Variants in FAM180A observed in about 807,000 individuals in gnomAD.
The protein encoded by FAM180A is protein FAM180A.
FAM180A carries 14 observed loss-of-function variants against 15.3 expected under a neutral mutation model. The observed-to-expected ratio is 0.92, with a 90% CI of 0.61 to 1.43. The LOEUF is 1.43. Among genes scored for constraint, FAM180A ranks in the 40% most tolerant of loss-of-function variants. The pLI is 0.00. For missense variants in FAM180A, 200 were observed against 220.8 expected, an observed-to-expected ratio of 0.91 and a Z score of 0.60; for synonymous variants, 90 against 96.8, an observed-to-expected ratio of 0.93 and a Z score of 0.41.
chr7:135,734,434 C>A, intron 2 of FAM180A, 115 bp from the exon 3 acceptor site: 1 of 953,068 alleles, frequency 1.0e-6, no homozygotes. Flanking sequence ...CTTTGGAACT[C>A]AAGAGAGTTC....
chr7:135,745,588 G>A (rs1313845163), intron 1 of FAM180A, among the ~76,000 whole-genome samples: 1 of 152,024 alleles, frequency 6.6e-6, no homozygotes, highest in African/African-American at 2.4e-5. Flanking sequence ...GGCTGGAATG[G>A]GTGATCCTGG....
At position 135,734,183 on chromosome 7, in the gene FAM180A, C is replaced by T. The variant is rs369565015; in HGVS notation, c.314G>A (p.Arg105His). 8.7e-6 allele frequency: 14 copies of T among 1,614,034 alleles called. No homozygotes were observed. The highest frequency in any genetic ancestry group is 2.7e-5 in the African/African-American group (2 of 74,940). ...GCTGGAGAGGCTGGCGCTGAGCCGG[C>T]GGATGTCTGGGATGCTCTTGGGGAT... ...NVIPKSIPDI[R>H]RLSASLSSHP... The change falls in exon 3 of 4, where the codon CGC becomes CAC. Residue 105 changes from arginine (R) to histidine (H), a missense_variant. Physicochemically the swap from Arg to His is conservative, Grantham distance 29. Coordinates refer to ENST00000338588, the MANE Select transcript of FAM180A (RefSeq NM_205855.4).
intron 1 of FAM180A, among the ~76,000 whole-genome samples, chr7:135,737,440 A>G (rs1373075871): frequency 6.8e-6 from 1 of 146,832 alleles, no homozygotes; most frequent in East Asian, 2.0e-4. Context: ...TACAAAAAAC[A>G]GCCGGGCATG....
rs143094091 is a variant in FAM180A, at chr7:135,734,546, C to T, written c.178-227G>A. Among the ~76,000 whole-genome samples, 532 of 152,316 alleles carry T rather than the reference C, an allele frequency of 3.5e-3. 1 individual carries two copies. The highest frequency in any genetic ancestry group is 0.012 in the African/African-American group (507 of 41,554). On this transcript the variant is annotated intron_variant, in intron 2 of 3. Transcript: ENST00000338588. ...TGTAAATAATTAGTAACACCATCTACTTCACTGGGATATTGTGAGAGGTAA... is the reference window on the plus strand; with the variant it reads ...TGTAAATAATTAGTAACACCATCTATTTCACTGGGATATTGTGAGAGGTAA...
chr7:135,737,081 A>C lies in FAM180A; in HGVS notation c.177+18T>G, dbSNP rs2129496021. 2.5e-6 allele frequency: 4 copies of C among 1,586,698 alleles called. No homozygotes were observed. In the East Asian group the frequency reaches 9.0e-5, roughly 36 times the overall value. ...GTCTTTTGGGTGACTTGGATTGAGC[A>C]TGTTCCCCTCTGCCTACCTCGTAGA... On this transcript the variant is annotated intron_variant, in intron 2 of 3. Transcript: ENST00000338588.
At chr7:135,748,464 T>C in intron 1 of FAM180A, 41 bp downstream of exon 1, 1 of 1,526,578 alleles carries the variant, frequency 6.6e-7, no homozygotes. Flanking sequence ...GAAGAAAGTA[T>C]AATGAGCATC....
At chr7:135,734,346 A>G in intron 2 of FAM180A, 27 bp from the exon 3 acceptor site, 1 of 1,558,294 alleles carries the variant, frequency 6.4e-7, no homozygotes, top group Non-Finnish European at 8.7e-7. Context: ...ATGTGCAAAA[A>G]TATGAAGTGA....
At chr7:135,734,399 C>G (rs1325732385) in intron 2 of FAM180A, 80 bp from the exon 3 acceptor site, 2 of 1,331,780 alleles carry the variant, frequency 1.5e-6, no homozygotes, top group Admixed American at 2.6e-5. Flanking sequence ...CGCACCTTCC[C>G]TTAGGGAGGC....
intron 1 of FAM180A, among the ~76,000 whole-genome samples, chr7:135,744,083 C>T (rs1296605736): frequency 6.6e-6 from 1 of 152,138 alleles, no homozygotes; most frequent in Non-Finnish European, 1.5e-5. Context: ...CCCCTACCTC[C>T]CCCACACCTT....
intron 1 of FAM180A, among the ~76,000 whole-genome samples, chr7:135,746,204 C>A (rs149308769): frequency 1.4e-4 from 21 of 152,036 alleles, no homozygotes; most frequent in Non-Finnish European, 2.5e-4. Context: ...TTCCCCAATG[C>A]GGAAGGACAT....
intron 1 of FAM180A, among the ~76,000 whole-genome samples, chr7:135,744,410 G>A (rs961414209): frequency 1.3e-5 from 2 of 152,218 alleles, no homozygotes; most frequent in South Asian, 2.1e-4. Flanking sequence ...AGGACGGTGG[G>A]TGTGGAAAGG....
chr7:135,741,312 A>T (rs1796946384), intron 1 of FAM180A, among the ~76,000 whole-genome samples: 1 of 152,306 alleles, frequency 6.6e-6, no homozygotes, highest in South Asian at 2.1e-4. Context: ...AGCTTCAGAC[A>T]ATGGGAATGG....
intron 2 of FAM180A, 103 bp downstream of exon 2, chr7:135,736,996 T>A: frequency 1.1e-6 from 1 of 879,518 alleles, no homozygotes; most frequent in Admixed American, 2.0e-5. Flanking sequence ...CAGGGGTCAC[T>A]CATGGTCAGG....
intron 1 of FAM180A, among the ~76,000 whole-genome samples, chr7:135,742,615 G>GTA (rs1796967962): frequency 6.6e-6 from 1 of 152,182 alleles, no homozygotes; most frequent in Non-Finnish European, 1.5e-5. Flanking sequence ...CTTGCTAAAG[G>GTA]TCATGCCACA....
chr7:135,742,503 C>T (rs1479283141), intron 1 of FAM180A, among the ~76,000 whole-genome samples: 4 of 152,120 alleles, frequency 2.6e-5, no homozygotes, highest in African/African-American at 7.2e-5. Flanking sequence ...CCAGGCTGGC[C>T]GTGGGGTGGG....
intron 1 of FAM180A, among the ~76,000 whole-genome samples, chr7:135,741,804 T>C (rs1448161269): frequency 1.4e-5 from 2 of 147,094 alleles, no homozygotes; most frequent in Non-Finnish European, 3.0e-5. Flanking sequence ...GCCTGGGCGA[T>C]AGAGTGAGAC....
At position 135,733,710 on chromosome 7, in the gene FAM180A, A is replaced by G. The variant is rs1418397592; in HGVS notation, c.*265T>C. The G allele has an allele frequency of 4.6e-5, 59 of 1,274,250 alleles. 1 individual carries two copies. The South Asian group carries it at 9.9e-4, about 21-fold the overall frequency. 78.9% of individuals were successfully genotyped at this position (1,274,250 alleles called of 1,614,324 possible). A position where few individuals can be genotyped will look rare whatever the true frequency, so the allele number is the denominator to read the frequency against. Reference sequence around the variant, plus strand: ...GAAGCATATCAGAATTCTGCCTGCCATAGGCAAACCATTCTGCCCATGGAG... The same window carrying G: ...GAAGCATATCAGAATTCTGCCTGCCGTAGGCAAACCATTCTGCCCATGGAG... On this transcript the variant is annotated 3_prime_UTR_variant, in exon 3 of 4. Coordinates refer to ENST00000338588, the MANE Select transcript of FAM180A (RefSeq NM_205855.4).
At chr7:135,742,449 C>A (rs575627945) in intron 1 of FAM180A, among the ~76,000 whole-genome samples, 10 of 152,304 alleles carry the variant, frequency 6.6e-5, no homozygotes, top group Admixed American at 2.0e-4. Flanking sequence ...CCCCAGGAAG[C>A]CTTTCCTGAG....
Position 135,730,233 on chromosome 7 carries a change from G to A in FAM180A, c.*378C>T. ...TAGCTGTGAGGATGCCAACGATGGA[G>A]GAAACTTAGAAAGTTTTTAGATCCT... is the stretch of plus-strand genomic sequence containing the variant. On this transcript the variant is annotated 3_prime_UTR_variant, in exon 4 of 4. Transcript: ENST00000338588. The A allele has an allele frequency of 2.0e-6, 2 of 985,386 alleles. No individual in the cohort carries two copies. The highest frequency in any genetic ancestry group is 2.4e-6 in the Non-Finnish European group (2 of 829,920). 61.0% of individuals were successfully genotyped at this position (985,386 alleles called of 1,614,324 possible).
Sources: allele counts gnomAD v4.1 joint callset (sites outside exome capture counted in the v4.1 genomes callset), GRCh38; gene constraint gnomAD v4.1.1; transcripts MANE v1.5; gene names NCBI Gene and HGNC (gene_info 2026-07-23, HGNC 2026-07-21).